SLC25A42: variants seen among roughly 807,000 people sequenced by gnomAD.
SLC25A42 encodes the protein solute carrier family 25 member 42.
A neutral mutation model predicts 34.7 loss-of-function variants in SLC25A42; 19 were observed. The ratio of observed to expected loss-of-function variants is 0.55; its 90% CI spans 0.38 to 0.80. The LOEUF (loss-of-function observed/expected upper bound fraction) is 0.80. Among genes scored for constraint, SLC25A42 ranks in the 30% least tolerant of loss-of-function variants. SLC25A42 has a pLI of 0.00. For synonymous variants in SLC25A42, 205 were observed against 191.2 expected (o/e 1.07, Z -0.59); for missense variants, 364 against 441.3 (o/e 0.82, Z 1.57).
intron 1 of SLC25A42, among the ~76,000 whole-genome samples, chr19:19,073,697 C>G (rs1248574322): frequency 6.6e-6 from 1 of 151,992 alleles, no homozygotes; most frequent in Non-Finnish European, 1.5e-5. Flanking sequence ...GCCCCAGCCT[C>G]CCGAATAGCT....
intron 1 of SLC25A42, among the ~76,000 whole-genome samples, chr19:19,075,293 C>T (rs933102487): frequency 1.3e-5 from 2 of 152,176 alleles, no homozygotes; most frequent in African/African-American, 2.4e-5. Flanking sequence ...TCCAGGTTCA[C>T]GTTTCCTGAA....
At position 19,101,752 on chromosome 19, in the gene SLC25A42, C is replaced by T. The variant is rs756066679; in HGVS notation, c.82-29C>T. The stretch of plus-strand genomic sequence containing the variant: ...CTCTGCGGAGCCGCCCCCCTGCCCT[C>T]TGACCTCTGATCACATGTTCTGTTG... On this transcript the variant is annotated intron_variant, in intron 2 of 7. Transcript: ENST00000318596. The T allele has an allele frequency of 1.1e-5, 17 of 1,596,962 alleles. No homozygotes were observed. In the African/African-American group the frequency reaches 2.3e-4, roughly 21 times the overall value.
At chr19:19,099,180 A>T (rs2059781783) in intron 2 of SLC25A42, among the ~76,000 whole-genome samples, 1 of 152,190 alleles carries the variant, frequency 6.6e-6, no homozygotes, top group Non-Finnish European at 1.5e-5. Flanking sequence ...AGACGTCTGC[A>T]ACCTGGCTGC....
chr19:19,102,375 C>T (rs2059802655), intron 3 of SLC25A42, among the ~76,000 whole-genome samples: 2 of 152,106 alleles, frequency 1.3e-5, no homozygotes, highest in South Asian at 4.1e-4. Context: ...ATCCTCCTGC[C>T]TAAGCCTCCC....
rs552143875 is a variant in SLC25A42, at chr19:19,105,883, C to T, written c.380+156C>T. ...ACACTGGGAGACTCCTCACCCAGGC[C>T]CTCCTGAGGGACCCCCTGACTCTGT... On this transcript the variant is annotated intron_variant, in intron 5 of 7. Transcript: ENST00000318596. 1.1e-5 allele frequency: 7 copies of T among 658,452 alleles called. No individual in the cohort carries two copies. The South Asian group carries it at 1.4e-4, about 13-fold the overall frequency. The allele number at this position is 658,452 out of a possible 1,614,324, so 40.8% of individuals were successfully genotyped here.
intron 1 of SLC25A42, among the ~76,000 whole-genome samples, chr19:19,072,711 G>A (rs1049007877): frequency 6.7e-6 from 1 of 150,278 alleles, no homozygotes; most frequent in Admixed American, 6.6e-5. Context: ...ACAGGGTCTT[G>A]TTCTGTTGCC....
At chr19:19,100,775 C>A (rs1383415387) in intron 2 of SLC25A42, among the ~76,000 whole-genome samples, 3 of 152,238 alleles carry the variant, frequency 2.0e-5, no homozygotes, top group Non-Finnish European at 2.9e-5. Flanking sequence ...CACACCCCCA[C>A]CCTGCACTGT....
intron 1 of SLC25A42, among the ~76,000 whole-genome samples, chr19:19,090,123 T>C (rs2059730492): frequency 6.6e-6 from 1 of 152,116 alleles, no homozygotes; most frequent in African/African-American, 2.4e-5. Context: ...TGTGAGTGAG[T>C]TACATTTTGA....
Position 19,082,748 on chromosome 19 carries a change from A to G in SLC25A42, c.-34-13343A>G, listed in dbSNP as rs1322907503. 2.0e-5 allele frequency among the ~76,000 whole-genome samples: 3 copies of G among 150,780 alleles called. No individual in the cohort carries two copies. In the East Asian group the frequency reaches 5.8e-4, roughly 29 times the overall value. ...TGATCACACCTCGTTGCAGCCTCCA[A>G]CTCCTGGGCTCAAGCCATCCTCCCA... On this transcript the variant is annotated intron_variant, in intron 1 of 7. Transcript: ENST00000318596.
At chr19:19,108,911 G>T (rs1275787352) in intron 7 of SLC25A42, among the ~76,000 whole-genome samples, 1 of 151,354 alleles carries the variant, frequency 6.6e-6, no homozygotes, top group Non-Finnish European at 1.5e-5. Context: ...GGTGTGAGCC[G>T]CTGCACTCAG....
chr19:19,099,271 C>G (rs983825970), intron 2 of SLC25A42, among the ~76,000 whole-genome samples: 7 of 152,152 alleles, frequency 4.6e-5, no homozygotes, highest in Non-Finnish European at 7.4e-5. Flanking sequence ...GAAGTTTGGC[C>G]TCAGAAACAA....
At chr19:19,098,368 C>A (rs143837965) in intron 2 of SLC25A42, among the ~76,000 whole-genome samples, 1 of 152,164 alleles carries the variant, frequency 6.6e-6, no homozygotes, top group South Asian at 2.1e-4. Flanking sequence ...CAGGCCAAGA[C>A]GGGAGGATTG....
chr19:19,098,220 G>C (rs2059775920), intron 2 of SLC25A42, among the ~76,000 whole-genome samples: 1 of 152,170 alleles, frequency 6.6e-6, no homozygotes, highest in African/African-American at 2.4e-5. Context: ...CTGAGCATGT[G>C]AACTGGCCCC....
chr19:19,083,056 A>C (rs2059689201), intron 1 of SLC25A42, among the ~76,000 whole-genome samples: 1 of 152,100 alleles, frequency 6.6e-6, no homozygotes, highest in Non-Finnish European at 1.5e-5. Context: ...TCTTGACCTC[A>C]GGTGATCCAC....
Position 19,106,399 on chromosome 19 carries a change from T to A in SLC25A42, c.497+14T>A. Reference sequence around the variant, plus strand: ...CCCGAAGGAAATGTGAGTCCTTACATCGGTGATGCGCATCAGCCCCGGGGG... The same window carrying A: ...CCCGAAGGAAATGTGAGTCCTTACAACGGTGATGCGCATCAGCCCCGGGGG... On this transcript the variant is annotated intron_variant, in intron 6 of 7. Transcript: ENST00000318596. 1.3e-6 allele frequency: 2 copies of A among 1,599,592 alleles called. No individual in the cohort carries two copies. The highest frequency in any genetic ancestry group is 1.7e-6 in the Non-Finnish European group (2 of 1,169,962).
At chr19:19,067,283 C>T (rs1009883934) in intron 1 of SLC25A42, among the ~76,000 whole-genome samples, 3 of 152,080 alleles carry the variant, frequency 2.0e-5, no homozygotes, top group African/African-American at 7.2e-5. Context: ...GCCAGTCAGA[C>T]TAAAGTTCAA....
At chr19:19,095,224 A>AC (rs2059758218) in intron 1 of SLC25A42, among the ~76,000 whole-genome samples, 1 of 149,870 alleles carries the variant, frequency 6.7e-6, no homozygotes, top group Non-Finnish European at 1.5e-5. Context: ...ACAAAAAAAA[A>AC]CACCCTTAGC....
intron 2 of SLC25A42, among the ~76,000 whole-genome samples, chr19:19,098,119 C>T (rs1394758255): frequency 6.6e-6 from 1 of 152,228 alleles, no homozygotes; most frequent in Admixed American, 6.5e-5. Flanking sequence ...TTCAACCCCT[C>T]AGTGATGCCT....
chr19:19,087,563 C>T (rs2059714443), intron 1 of SLC25A42, among the ~76,000 whole-genome samples: 2 of 152,220 alleles, frequency 1.3e-5, no homozygotes, highest in South Asian at 2.1e-4. Flanking sequence ...GCTGGGATTA[C>T]AGGTGTGAGC....
Sources: allele counts gnomAD v4.1 joint callset (sites outside exome capture counted in the v4.1 genomes callset), GRCh38; gene constraint gnomAD v4.1.1; transcripts MANE v1.5; gene names NCBI Gene and HGNC (gene_info 2026-07-23, HGNC 2026-07-21).